Variants in ZNF385D observed in about 807,000 individuals in gnomAD.
The protein encoded by ZNF385D is zinc finger protein 659.
A neutral mutation model predicts 35.8 loss-of-function variants in ZNF385D; 15 were observed. That is an observed-to-expected ratio of 0.42 (90% CI 0.28 to 0.64). ZNF385D has a LOEUF of 0.64. Ranked by LOEUF, ZNF385D falls within the 30% of genes least tolerant of loss-of-function variation. The probability of loss-of-function intolerance (pLI) is 0.23; values close to 1 mark genes in which losing one functional copy is unlikely to be tolerated. For synonymous variants in ZNF385D, 212 were observed against 186.8 expected (o/e 1.13, Z -1.10); for missense variants, 474 against 494.6 (o/e 0.96, Z 0.39).
chr3:21,928,855 A>G (rs1158563221), intron 3 of ZNF385D, among the ~76,000 whole-genome samples: 1 of 152,186 alleles, frequency 6.6e-6, no homozygotes, highest in Non-Finnish European at 1.5e-5. Context: ...ATTCACAGAG[A>G]AACACAGCCC....
chr3:21,724,672 G>C (rs944921909), intron 1 of ZNF385D, among the ~76,000 whole-genome samples: 3 of 151,932 alleles, frequency 2.0e-5, no homozygotes, highest in Non-Finnish European at 4.4e-5. Flanking sequence ...GGAGCACCCA[G>C]ATTCATAAAG....
intron 3 of ZNF385D, among the ~76,000 whole-genome samples, chr3:21,896,809 T>A (rs1168654775): frequency 6.9e-6 from 1 of 144,502 alleles, no homozygotes; most frequent in Non-Finnish European, 1.5e-5. Flanking sequence ...TTCTCCAATG[T>A]GTTCTTAATA....
intron 4 of ZNF385D, among the ~76,000 whole-genome samples, chr3:21,456,602 A>G (rs1165171170): frequency 2.0e-5 from 3 of 152,210 alleles, no homozygotes; most frequent in Middle Eastern, 3.4e-3. Context: ...GGGGGGAGTA[A>G]GGAGGGATAG....
At chr3:22,045,314 C>A (rs1559329820) in intron 3 of ZNF385D, among the ~76,000 whole-genome samples, 1 of 151,938 alleles carries the variant, frequency 6.6e-6, no homozygotes. Flanking sequence ...TTGGTGTGAT[C>A]ATATAATAAA....
At chr3:22,053,030 G>T (rs1404830797) in intron 3 of ZNF385D, among the ~76,000 whole-genome samples, 1 of 77,924 alleles carries the variant, frequency 1.3e-5, no homozygotes, top group African/African-American at 4.9e-5. Context: ...GCTCCACCCA[G>T]TTCGAGCTTC....
At position 21,646,461 on chromosome 3, in the gene ZNF385D, T is replaced by C. The variant is rs563818030; in HGVS notation, c.165+18425A>G. ...GTGCTTGGATAGGAACTCAGATCTT[T>C]ACCTTCAAAGGTAAGCTACAAATTC... On this transcript the variant is annotated intron_variant, in intron 2 of 7. Coordinates refer to ENST00000281523, the MANE Select transcript of ZNF385D (RefSeq NM_024697.3). This position sits in a 1 kb window ranked among gnomAD's most constrained non-coding sequence, Gnocchi z 4.3. Among the ~76,000 whole-genome samples the C allele has an allele frequency of 3.5e-4, 54 of 152,336 alleles. No individual in the cohort carries two copies. Among genetic ancestry groups the C allele is most frequent in the Admixed American group, 7.8e-4 (12 of 15,292 alleles).
At chr3:21,664,771 A>T (rs776553419) in intron 2 of ZNF385D, 115 bp downstream of exon 2, 12 of 1,404,054 alleles carry the variant, frequency 8.5e-6, no homozygotes, top group Middle Eastern at 3.6e-4. Flanking sequence ...CTTCTAGACA[A>T]ACCATGCAAT....
chr3:21,581,023 C>T (rs1025068044), intron 2 of ZNF385D, among the ~76,000 whole-genome samples: 21 of 152,084 alleles, frequency 1.4e-4, no homozygotes, highest in South Asian at 4.1e-4. Context: ...TTCCTCCCAC[C>T]GTAAGTGCCC....
intron 2 of ZNF385D, among the ~76,000 whole-genome samples, chr3:22,195,702 A>G (rs1696367919): frequency 6.6e-6 from 1 of 152,146 alleles, no homozygotes; most frequent in East Asian, 1.9e-4. Context: ...AGCATTAGAT[A>G]TTATTTATTT....
intron 2 of ZNF385D, among the ~76,000 whole-genome samples, chr3:21,613,939 C>T (rs1219385238): frequency 6.6e-6 from 1 of 152,214 alleles, no homozygotes; most frequent in African/African-American, 2.4e-5. Flanking sequence ...ATGACTCAAA[C>T]ACAGATGGTT....
At chr3:21,883,616 T>C (rs1698391454) in intron 3 of ZNF385D, among the ~76,000 whole-genome samples, 1 of 152,036 alleles carries the variant, frequency 6.6e-6, no homozygotes, top group South Asian at 2.1e-4. Flanking sequence ...TGACATAGGT[T>C]TAAAGAAATT....
intron 3 of ZNF385D, among the ~76,000 whole-genome samples, chr3:22,013,580 T>A (rs1460064493): frequency 6.6e-6 from 1 of 152,180 alleles, no homozygotes; most frequent in East Asian, 1.9e-4. Flanking sequence ...ACACCACTGG[T>A]GCAGGCAGCA....
At chr3:22,041,098 T>C (rs1196876771) in intron 3 of ZNF385D, among the ~76,000 whole-genome samples, 8 of 152,084 alleles carry the variant, frequency 5.3e-5, no homozygotes, top group Admixed American at 3.9e-4. Context: ...GTTCTCCCGC[T>C]CTGTCACTCT....
intron 4 of ZNF385D, among the ~76,000 whole-genome samples, chr3:21,459,053 A>G (rs1304168902): frequency 2.0e-5 from 3 of 152,296 alleles, no homozygotes; most frequent in Middle Eastern, 3.4e-3. Context: ...GAGCACAACT[A>G]TCACCTGGGA....
intron 2 of ZNF385D, among the ~76,000 whole-genome samples, chr3:22,317,519 T>G (rs1439183734): frequency 6.6e-6 from 1 of 152,044 alleles, no homozygotes; most frequent in Non-Finnish European, 1.5e-5. Context: ...CCACCTTTGA[T>G]GCTGTGCATC....
At chr3:22,024,359 T>C (rs1046321848) in intron 3 of ZNF385D, among the ~76,000 whole-genome samples, 2 of 152,066 alleles carry the variant, frequency 1.3e-5, no homozygotes, top group Admixed American at 6.6e-5. Flanking sequence ...ATCCTATTCG[T>C]TCTGTCCCTC....
At chr3:22,163,128 A>AT (rs1224105927) in intron 3 of ZNF385D, among the ~76,000 whole-genome samples, 3 of 152,124 alleles carry the variant, frequency 2.0e-5, no homozygotes, top group Non-Finnish European at 4.4e-5. Context: ...ACAGGCTGCT[A>AT]TAAGAGAAGG....
chr3:21,621,386 T>TG (rs762580287), intron 2 of ZNF385D, among the ~76,000 whole-genome samples: 38 of 152,108 alleles, frequency 2.5e-4, no homozygotes, highest in Non-Finnish European at 4.7e-4. Flanking sequence ...TAGTTCATGG[T>TG]GGGGAAAAAA....
At chr3:22,089,305 T>C (rs1419227000) in intron 3 of ZNF385D, among the ~76,000 whole-genome samples, 3 of 152,236 alleles carry the variant, frequency 2.0e-5, no homozygotes, top group African/African-American at 7.2e-5. Context: ...TATAGCATTT[T>C]GTGAGAGCCA....
Sources: gnomAD v4.1 joint callset for allele counts (sites outside exome capture counted in the v4.1 genomes callset) on GRCh38, gnomAD v4.1.1 for gene constraint, Gnocchi (gnomAD v3.1) non-coding constraint, MANE v1.5 for transcripts, NCBI Gene and HGNC (gene_info 2026-07-23, HGNC 2026-07-21) for gene names.